ASTN2: variants seen among roughly 807,000 people sequenced by gnomAD.
ASTN2 encodes astrotactin 2.
A neutral mutation model predicts 139.8 loss-of-function variants in ASTN2; 54 were observed. That is an observed-to-expected ratio of 0.39 (90% CI 0.31 to 0.48). The LOEUF is 0.48. Ranked by LOEUF, ASTN2 falls within the 20% of genes least tolerant of loss-of-function variation. The pLI, the probability that ASTN2 is intolerant of heterozygous loss-of-function variation, is 0.95. For missense variants in ASTN2, 1,565 were observed against 1,725.1 expected (o/e 0.91, Z 1.64); for synonymous variants, 756 against 719.5 (o/e 1.05, Z -0.81).
intron 12 of ASTN2, among the ~76,000 whole-genome samples, chr9:116,806,905 A>T (rs931452079): frequency 1.6e-4 from 24 of 152,222 alleles, no homozygotes; most frequent in African/African-American, 5.5e-4. Context: ...TGTATTTATT[A>T]TCTAACCATG....
intron 1 of ASTN2, among the ~76,000 whole-genome samples, chr9:117,406,669 CT>C (rs1830999109): frequency 6.6e-6 from 1 of 152,010 alleles, no homozygotes; most frequent in Non-Finnish European, 1.5e-5. Context: ...TTCTTTTAGC[CT>C]TTGTTCCAAT....
chr9:117,350,592 AAAAG>A (rs1003868419), intron 1 of ASTN2, among the ~76,000 whole-genome samples: 2 of 150,760 alleles, frequency 1.3e-5, no homozygotes, highest in African/African-American at 4.8e-5. Context: ...AAGAAAAAAG[AAAAG>A]AAAAGAAAAA....
Position 116,803,522 on chromosome 9 carries a change from A to AT in ASTN2, c.2396+2109dup, listed in dbSNP as rs1158429877. The stretch of plus-strand genomic sequence containing the variant: ...TATATATATATATATATATATATAT[A>AT]TTTTTTTTTTTTTTTTTTTTTAGAC... On this transcript the variant is annotated intron_variant, in intron 13 of 22. Transcript: ENST00000313400. Among the ~76,000 whole-genome samples, 103 of 21,140 alleles carry AT rather than the reference A, an allele frequency of 4.9e-3. 5 individuals carry two copies. Among genetic ancestry groups the AT allele is most frequent in the East Asian group, 0.02 (12 of 590 alleles). 13.9% of individuals were successfully genotyped at this position (21,140 alleles called of 152,430 possible). A position where few individuals can be genotyped will look rare whatever the true frequency, so the allele number is the denominator to read the frequency against.
chr9:116,616,804 CAA>C (rs535469708), intron 19 of ASTN2, among the ~76,000 whole-genome samples: 3 of 148,360 alleles, frequency 2.0e-5, no homozygotes, highest in Admixed American at 1.4e-4. Flanking sequence ...CACACACACA[CAA>C]AATACACACC....
chr9:117,389,638 G>A (rs543954831), intron 1 of ASTN2, among the ~76,000 whole-genome samples: 1 of 152,112 alleles, frequency 6.6e-6, no homozygotes, highest in Non-Finnish European at 1.5e-5. Flanking sequence ...GACCATATTC[G>A]ACACTGGTAT....
intron 12 of ASTN2, among the ~76,000 whole-genome samples, chr9:116,819,325 C>T (rs1241558990): frequency 6.6e-6 from 1 of 152,162 alleles, no homozygotes; most frequent in East Asian, 1.9e-4. Flanking sequence ...CACTGCCCTG[C>T]AGTCACTTAA....
intron 6 of ASTN2, among the ~76,000 whole-genome samples, chr9:117,014,588 G>T (rs929586284): frequency 6.6e-5 from 10 of 151,986 alleles, no homozygotes; most frequent in African/African-American, 2.4e-4. Flanking sequence ...TCTTCTCTAT[G>T]GTTCCTACTT....
At chr9:117,281,982 A>G (rs1587908326) in intron 2 of ASTN2, among the ~76,000 whole-genome samples, 1 of 152,006 alleles carries the variant, frequency 6.6e-6, no homozygotes, top group Non-Finnish European at 1.5e-5. Flanking sequence ...GTTGAGTTCC[A>G]TCTGCTTCTC....
chr9:116,518,416 T>C (rs1023431154), intron 19 of ASTN2, among the ~76,000 whole-genome samples: 11 of 152,020 alleles, frequency 7.2e-5, no homozygotes, highest in Admixed American at 3.3e-4. Context: ...CTAAGCTTCA[T>C]AAATGAAGGA....
chr9:116,606,490 G>C (rs570506304), intron 19 of ASTN2, among the ~76,000 whole-genome samples: 1 of 152,286 alleles, frequency 6.6e-6, no homozygotes, highest in African/African-American at 2.4e-5. Flanking sequence ...GCACATGCAC[G>C]CATGAGCTCG....
chr9:117,299,159 G>A (rs1009221458), intron 1 of ASTN2, among the ~76,000 whole-genome samples: 1 of 152,132 alleles, frequency 6.6e-6, no homozygotes, highest in African/African-American at 2.4e-5. Flanking sequence ...AAAATACACT[G>A]GACCACGAAG....
chr9:117,032,884 G>C (rs1365261975), intron 6 of ASTN2, among the ~76,000 whole-genome samples: 1 of 152,182 alleles, frequency 6.6e-6, no homozygotes, highest in Non-Finnish European at 1.5e-5. Flanking sequence ...ATAGGGAACA[G>C]AGAAGACTTG....
At chr9:117,192,853 C>T (rs769686918) in intron 3 of ASTN2, among the ~76,000 whole-genome samples, 3 of 152,184 alleles carry the variant, frequency 2.0e-5, no homozygotes, top group East Asian at 3.9e-4. Flanking sequence ...AGAGCTGGAA[C>T]AAGGTTCTGT....
At chr9:116,615,667 T>C (rs1349046324) in intron 19 of ASTN2, among the ~76,000 whole-genome samples, 6 of 145,510 alleles carry the variant, frequency 4.1e-5, no homozygotes, top group Non-Finnish European at 8.9e-5. Flanking sequence ...TAGGTGGGAA[T>C]TGAACAATGA....
At chr9:116,812,355 C>T (rs1831188267) in intron 12 of ASTN2, among the ~76,000 whole-genome samples, 1 of 151,986 alleles carries the variant, frequency 6.6e-6, no homozygotes, top group African/African-American at 2.4e-5. Flanking sequence ...CACATGTTTC[C>T]CATAAGAGGG....
At chr9:116,557,234 A>C (rs981964531) in intron 19 of ASTN2, among the ~76,000 whole-genome samples, 4 of 150,610 alleles carry the variant, frequency 2.7e-5, no homozygotes, top group Non-Finnish European at 5.9e-5. Flanking sequence ...AAAAAAAAAA[A>C]AAAAAAAAAA....
chr9:116,586,831 T>TAC (rs71377255), intron 19 of ASTN2, among the ~76,000 whole-genome samples: 4,171 of 133,812 alleles, frequency 0.031, 154 homozygotes, highest in Admixed American at 0.11. Flanking sequence ...CACACATACA[T>TAC]ACACACACAC....
At chr9:116,662,367 G>A (rs564621243) in intron 16 of ASTN2, among the ~76,000 whole-genome samples, 1 of 152,186 alleles carries the variant, frequency 6.6e-6, no homozygotes, top group Non-Finnish European at 1.5e-5. Context: ...GAGGTCAGGA[G>A]TTCAAGACCA....
At chr9:116,489,900 G>A (rs117200167) in intron 19 of ASTN2, among the ~76,000 whole-genome samples, 2 of 152,156 alleles carry the variant, frequency 1.3e-5, no homozygotes, top group Admixed American at 6.5e-5. Context: ...GGGTAGTGTT[G>A]GCAACAGGCA....
Sources: allele counts gnomAD v4.1 joint callset (sites outside exome capture counted in the v4.1 genomes callset), GRCh38; gene constraint gnomAD v4.1.1; transcripts MANE v1.5; gene names NCBI Gene and HGNC (gene_info 2026-07-23, HGNC 2026-07-21).